The following ERO1A variants were observed in gnomAD, a reference collection of about 807,000 sequenced individuals.
ERO1A encodes the protein endoplasmic reticulum oxidoreductase 1 alpha, also known as ERO1-like protein alpha.
A neutral mutation model predicts 76.9 loss-of-function variants in ERO1A; 49 were observed. The observed-to-expected ratio is 0.64, with a 90% CI of 0.51 to 0.81. The LOEUF (loss-of-function observed/expected upper bound fraction) is 0.81, where lower values mean the gene tolerates loss of function less well. Ranked by LOEUF, ERO1A falls within the 30% of genes least tolerant of loss-of-function variation. The pLI is 0.00. For synonymous variants in ERO1A, 174 were observed against 181.2 expected (o/e 0.96, Z 0.32); for missense variants, 448 against 542.1 (o/e 0.83, Z 1.72).
At chr14:52,671,770 A>C in intron 5 of ERO1A, 25 bp downstream of exon 5, 1 of 1,593,052 alleles carries the variant, frequency 6.3e-7, no homozygotes, top group East Asian at 2.2e-5. Context: ...GAAACATGAA[A>C]TACTGCTGAA....
At chr14:52,661,170 AAT>A in intron 9 of ERO1A, 121 bp downstream of exon 9, 1 of 386,246 alleles carries the variant, frequency 2.6e-6, no homozygotes, top group Non-Finnish European at 4.7e-6. Flanking sequence ...CTTTCAGATA[AAT>A]AAGTAAAACT....
At chr14:52,680,011 G>T (rs113257408) in intron 3 of ERO1A, among the ~76,000 whole-genome samples, 23,579 of 142,898 alleles carry the variant, frequency 0.17, 1,920 homozygotes, top group South Asian at 0.25. Context: ...AGTGAGCCAA[G>T]ATCATGCCAC....
intron 1 of ERO1A, among the ~76,000 whole-genome samples, chr14:52,689,512 A>T (rs1272623225): frequency 6.6e-6 from 1 of 152,202 alleles, no homozygotes. Context: ...CCAAAAAAAA[A>T]TTAAGAAAAC....
rs1434424251 is a variant in ERO1A at position 52,664,112 on chromosome 14, A to C, written c.630-265T>G. 3.2e-5 allele frequency: 9 copies of C among 277,158 alleles called. No homozygotes were observed. The East Asian group carries it at 6.5e-4, about 20-fold the overall frequency. The allele number at this position is 277,158 out of a possible 1,614,324, so 17.2% of individuals were successfully genotyped here. On this transcript the variant is annotated intron_variant, in intron 7 of 15. Transcript: ENST00000395686. The stretch of plus-strand genomic sequence containing the variant: ...ACAAAAGAAGAGAAAATATCAGCCA[A>C]GCTCTTCTCTCGGAGTCACTACTAT...
At position 52,645,859 on chromosome 14, in the gene ERO1A, C is replaced by T. The variant is rs1251138307; in HGVS notation, c.1346+295G>A. On this transcript the variant is annotated intron_variant, in intron 15 of 15. Transcript: ENST00000395686. Reference sequence around the variant, plus strand: ...TTTCTACTAAAAATACACACACACACACACACACACACACACACACACACA... The same window carrying T: ...TTTCTACTAAAAATACACACACACATACACACACACACACACACACACACA... Among the ~76,000 whole-genome samples, 4 of 144,192 alleles carry T rather than the reference C, an allele frequency of 2.8e-5. No individual in the cohort carries two copies. The South Asian group carries it at 6.3e-4, about 23-fold the overall frequency. 94.6% of individuals were successfully genotyped at this position (144,192 alleles called of 152,430 possible).
chr14:52,676,069 G>C (rs1042057486), intron 4 of ERO1A, among the ~76,000 whole-genome samples: 6 of 152,108 alleles, frequency 3.9e-5, no homozygotes, highest in Non-Finnish European at 8.8e-5. Flanking sequence ...TCTGTGTTTT[G>C]ATTTTCATAT....
chr14:52,677,109 C>T (rs1330315513), intron 4 of ERO1A, among the ~76,000 whole-genome samples: 5 of 151,676 alleles, frequency 3.3e-5, no homozygotes, highest in Non-Finnish European at 5.9e-5. Context: ...GAAATGGGCA[C>T]GAAGGAGGAT....
At chr14:52,692,808 AT>A (rs911604349) in intron 1 of ERO1A, among the ~76,000 whole-genome samples, 2 of 149,782 alleles carry the variant, frequency 1.3e-5, no homozygotes, top group African/African-American at 4.9e-5. Flanking sequence ...TTCTTTCTCC[AT>A]TTTTTTTCTT....
intron 8 of ERO1A, among the ~76,000 whole-genome samples, 178 bp from the exon 9 acceptor site, chr14:52,661,482 T>A (rs1165791941): frequency 6.6e-6 from 1 of 152,334 alleles, no homozygotes; most frequent in Admixed American, 6.5e-5. Context: ...GGTAGTGATA[T>A]GAATTATGCC....
Position 52,683,817 on chromosome 14 carries a change from G to T in ERO1A, c.205C>A (p.Leu69Ile). ...TAATACCTAAAGTAGTCACTTTCAA[G>T]AAGTTTTTGTAGTCTTGGGAAAAGC... is the stretch of plus-strand genomic sequence containing the variant. ...YRLFPRLQKL[L>I]ESDYFRYYKV... The change falls in exon 2 of 16, where the codon CTT becomes ATT. Residue 69 changes from leucine (L) to isoleucine (I), a missense_variant. Leu to Ile is a conservative substitution (Grantham distance 5, BLOSUM62 2). Coordinates refer to ENST00000395686, the MANE Select transcript of ERO1A (RefSeq NM_014584.3). 6.5e-7 allele frequency: 1 copy of T among 1,536,158 alleles called. No individual in the cohort carries two copies. The highest frequency in any genetic ancestry group is 1.4e-5 in the African/African-American group (1 of 73,426).
intron 1 of ERO1A, among the ~76,000 whole-genome samples, chr14:52,687,592 G>A (rs1009925704): frequency 1.3e-5 from 2 of 152,232 alleles, no homozygotes; most frequent in African/African-American, 2.4e-5. Flanking sequence ...GTTTCAGGAT[G>A]TGCTAAGGCT....
chr14:52,693,650 C>A, intron 1 of ERO1A, among the ~76,000 whole-genome samples: 1 of 152,012 alleles, frequency 6.6e-6, no homozygotes, highest in African/African-American at 2.4e-5. Context: ...CCATCACACC[C>A]AGCTTTTTTC....
chr14:52,694,283 A>G (rs2041468519), intron 1 of ERO1A, among the ~76,000 whole-genome samples: 1 of 152,180 alleles, frequency 6.6e-6, no homozygotes, highest in Non-Finnish European at 1.5e-5. Context: ...GGACTTTTCA[A>G]TGTCTCAGTT....
At chr14:52,645,878 ACACAC>A (rs1472309967) in intron 15 of ERO1A, among the ~76,000 whole-genome samples, 1 of 149,772 alleles carries the variant, frequency 6.7e-6, no homozygotes, top group Non-Finnish European at 1.5e-5. Flanking sequence ...ACACACACAC[ACACAC>A]AAATTAGCCA....
At chr14:52,682,499 T>A in intron 2 of ERO1A, 91 bp from the exon 3 acceptor site, 1 of 890,972 alleles carries the variant, frequency 1.1e-6, no homozygotes, top group Non-Finnish European at 1.8e-6. Flanking sequence ...AACTTGGTCA[T>A]GTTATCAGGT....
chr14:52,644,089 A>G (rs767935918), intron 15 of ERO1A, among the ~76,000 whole-genome samples: 29 of 152,158 alleles, frequency 1.9e-4, no homozygotes, highest in Non-Finnish European at 3.4e-4. Flanking sequence ...ACAGTGAGCT[A>G]TGATCATGCC....
chr14:52,676,381 A>G (rs1474696963), intron 4 of ERO1A, among the ~76,000 whole-genome samples: 1 of 152,214 alleles, frequency 6.6e-6, no homozygotes, highest in Non-Finnish European at 1.5e-5. Flanking sequence ...GTAATTTCAC[A>G]GGTTTCCCAT....
chr14:52,670,233 A>G (rs1322261501), intron 6 of ERO1A, among the ~76,000 whole-genome samples: 1 of 152,220 alleles, frequency 6.6e-6, no homozygotes, highest in African/African-American at 2.4e-5. Context: ...GCGTTAGTCC[A>G]CTAGAAAAGA....
chr14:52,651,865 T>C (rs925980297), intron 13 of ERO1A, among the ~76,000 whole-genome samples: 1 of 152,154 alleles, frequency 6.6e-6, no homozygotes, highest in Non-Finnish European at 1.5e-5. Context: ...TAGTTACCAT[T>C]CTGTGCAGTA....
Sources: gnomAD v4.1 joint callset for allele counts (sites outside exome capture counted in the v4.1 genomes callset) on GRCh38, gnomAD v4.1.1 for gene constraint, MANE v1.5 for transcripts, NCBI Gene and HGNC (gene_info 2026-07-23, HGNC 2026-07-21) for gene names.